Variants in ANO3 observed in about 807,000 individuals in gnomAD.
ANO3 encodes the protein anoctamin 3, also known as anoctamin-3.
Under a neutral mutation model 144.8 loss-of-function variants are expected in ANO3, and 99 were observed. The ratio of observed to expected loss-of-function variants is 0.68; its 90% CI spans 0.58 to 0.81. The LOEUF is 0.81. Ranked by LOEUF, ANO3 falls within the 30% of genes least tolerant of loss-of-function variation. ANO3 has a pLI of 0.00. For missense variants in ANO3, 905 were observed against 1,202.2 expected, an observed-to-expected ratio of 0.75 and a Z score of 3.66; for synonymous variants, 414 against 392.6, an observed-to-expected ratio of 1.05 and a Z score of -0.64.
At chr11:26,472,747 C>T (rs1859827603) in intron 4 of ANO3, among the ~76,000 whole-genome samples, 2 of 151,876 alleles carry the variant, frequency 1.3e-5, no homozygotes, top group Non-Finnish European at 2.9e-5. Flanking sequence ...ACACTTGTCC[C>T]TAGCTTGCGG....
chr11:26,636,238 T>C (rs1489738352), intron 20 of ANO3, among the ~76,000 whole-genome samples: 1 of 152,108 alleles, frequency 6.6e-6, no homozygotes, highest in Non-Finnish European at 1.5e-5. Context: ...ATCCCAGTAA[T>C]ACTGGTGATT....
At chr11:26,412,913 G>A (rs144699615) in intron 1 of ANO3, among the ~76,000 whole-genome samples, 3 of 151,048 alleles carry the variant, frequency 2.0e-5, no homozygotes, top group East Asian at 3.9e-4. Flanking sequence ...TGAATACCTG[G>A]TTTCATTTTG....
intron 17 of ANO3, among the ~76,000 whole-genome samples, chr11:26,610,780 G>A (rs1852077042): frequency 6.6e-6 from 1 of 151,670 alleles, no homozygotes; most frequent in Non-Finnish European, 1.5e-5. Context: ...GCCTTTTTTC[G>A]GTAGATGACT....
At chr11:26,553,202 G>A in intron 12 of ANO3, 47 bp from the exon 13 acceptor site, 3 of 1,264,450 alleles carry the variant, frequency 2.4e-6, no homozygotes, top group Non-Finnish European at 2.3e-6. Context: ...CTTAGTCACA[G>A]TTTCATGCTA....
chr11:26,409,336 T>A (rs1857374421), intron 1 of ANO3, among the ~76,000 whole-genome samples: 2 of 152,024 alleles, frequency 1.3e-5, no homozygotes, highest in East Asian at 2.0e-4. Flanking sequence ...AACATAGACA[T>A]ATTAGAATAA....
At position 26,310,955 on chromosome 11, in the gene ANO3, T is replaced by A. The variant is rs554509538; in HGVS notation, c.-3+1236T>A. The stretch of plus-strand genomic sequence containing the variant: ...TTCTCTGGCATAAACTTTGCTATTA[T>A]TTTTTTTCTTTACTATTTTATCCCT... On this transcript the variant is annotated intron_variant, in intron 1 of 26. Transcript: ENST00000525139. 2.7e-5 allele frequency among the ~76,000 whole-genome samples: 4 copies of A among 146,226 alleles called. 1 individual carries two copies. In the South Asian group the frequency reaches 8.3e-4, roughly 30 times the overall value.
At chr11:26,399,936 A>G (rs1299489995) in intron 1 of ANO3, among the ~76,000 whole-genome samples, 1 of 152,058 alleles carries the variant, frequency 6.6e-6, no homozygotes, top group African/African-American at 2.4e-5. Context: ...TCTACAGTCT[A>G]CAAAGTCTGA....
intron 1 of ANO3, among the ~76,000 whole-genome samples, chr11:26,335,280 G>C (rs1024204675): frequency 1.3e-5 from 2 of 152,196 alleles, no homozygotes; most frequent in African/African-American, 4.8e-5. Flanking sequence ...CTGACACACA[G>C]TTGGGGCTCA....
chr11:26,476,924 T>TGAGAGA (rs1406114264), intron 4 of ANO3, among the ~76,000 whole-genome samples: 3 of 145,822 alleles, frequency 2.1e-5, no homozygotes, highest in African/African-American at 7.7e-5. Flanking sequence ...TGTGTGTGTG[T>TGAGAGA]GTGTGTGTGA....
At chr11:26,598,267 T>C (rs1182795463) in intron 14 of ANO3, 98 bp from the exon 15 acceptor site, 5 of 523,928 alleles carry the variant, frequency 9.5e-6, no homozygotes, top group Middle Eastern at 5.3e-4. Flanking sequence ...ATTATTTTCA[T>C]AATTTAATTT....
intron 1 of ANO3, among the ~76,000 whole-genome samples, chr11:26,230,887 C>CTT (rs765457226): frequency 4.4e-5 from 3 of 68,478 alleles, no homozygotes; most frequent in African/African-American, 6.3e-5. Flanking sequence ...AAGTTTTTTT[C>CTT]TTTTTTTTTT....
At chr11:26,543,566 G>A (rs2641389) in intron 11 of ANO3, among the ~76,000 whole-genome samples, 100,092 of 151,838 alleles carry the variant, frequency 0.66, 33,274 homozygotes, top group East Asian at 0.83. Context: ...CTGCTAACTC[G>A]TTATTTACAT....
intron 4 of ANO3, among the ~76,000 whole-genome samples, chr11:26,504,468 C>T (rs527828347): frequency 3.3e-5 from 5 of 152,164 alleles, no homozygotes; most frequent in African/African-American, 7.2e-5. Context: ...TTCTTACCTT[C>T]GTAAACTTTA....
intron 14 of ANO3, chr11:26,563,115 C>G: frequency 6.2e-7 from 1 of 1,610,958 alleles, no homozygotes; most frequent in Non-Finnish European, 8.5e-7. Flanking sequence ...ATAGATTTTA[C>G]CTGGTTCATT....
chr11:26,592,025 T>A (rs1460639970), intron 14 of ANO3, among the ~76,000 whole-genome samples: 1 of 152,188 alleles, frequency 6.6e-6, no homozygotes, highest in Non-Finnish European at 1.5e-5. Flanking sequence ...GAATAATTCC[T>A]TTCCCTCCTC....
At chr11:26,527,703 A>G (rs1213505371) in intron 7 of ANO3, among the ~76,000 whole-genome samples, 1 of 152,164 alleles carries the variant, frequency 6.6e-6, no homozygotes, top group Non-Finnish European at 1.5e-5. Flanking sequence ...CCAGCTTTTG[A>G]GGATCATCCC....
chr11:26,544,269 T>TACACAC lies in ANO3; in HGVS notation c.1154+2202_1154+2203insCACACA, dbSNP rs1400464024. 3.2e-3 allele frequency among the ~76,000 whole-genome samples: 245 copies of TACACAC among 76,938 alleles called. 3 individuals carry two copies. Among genetic ancestry groups the TACACAC allele is most frequent in the Non-Finnish European group, 4.9e-3 (188 of 37,992 alleles). 50.5% of individuals were successfully genotyped at this position (76,938 alleles called of 152,430 possible). ...CATTATACATATATATATATATATA[T>TACACAC]ATATACACACATACACACACACACA... On this transcript the variant is annotated intron_variant, in intron 11 of 26. Coordinates refer to ENST00000256737, the MANE Select transcript of ANO3 (RefSeq NM_031418.4).
At chr11:26,377,487 T>TA (rs760088891) in intron 1 of ANO3, among the ~76,000 whole-genome samples, 173 of 152,132 alleles carry the variant, frequency 1.1e-3, no homozygotes, top group Non-Finnish European at 1.9e-3. Context: ...AGCTGGAATA[T>TA]AAATCTGAAT....
At chr11:26,630,478 T>C (rs1852740222) in intron 18 of ANO3, among the ~76,000 whole-genome samples, 1 of 152,228 alleles carries the variant, frequency 6.6e-6, no homozygotes, top group South Asian at 2.1e-4. Context: ...GAGGATGAAG[T>C]CTATTACTAA....
Sources: gnomAD v4.1 joint callset for allele counts (sites outside exome capture counted in the v4.1 genomes callset) on GRCh38, gnomAD v4.1.1 for gene constraint, MANE v1.5 for transcripts, NCBI Gene and HGNC (gene_info 2026-07-23, HGNC 2026-07-21) for gene names.